Variants in AK9 observed in about 807,000 individuals in gnomAD.
AK9 encodes the protein adenylate kinase domain containing 1.
Under a neutral mutation model 239.6 loss-of-function variants are expected in AK9, and 191 were observed. The observed-to-expected ratio is 0.80, with a 90% confidence interval of 0.71 to 0.90. AK9 has a LOEUF of 0.90. Among genes scored for constraint, AK9 ranks in the 40% least tolerant of loss-of-function variants. AK9 has a pLI of 0.00. For missense variants in AK9, 1,995 were observed against 2,214.7 expected (o/e 0.90, Z 1.99); for synonymous variants, 689 against 721.0 (o/e 0.96, Z 0.71).
chr6:109,587,784 G>T (rs1032613918), intron 17 of AK9, among the ~76,000 whole-genome samples: 2 of 152,090 alleles, frequency 1.3e-5, no homozygotes, highest in Non-Finnish European at 2.9e-5. Context: ...TGATAAAAAG[G>T]CTTCTTTTCC....
At chr6:109,541,756 GT>G (rs1312154348) in intron 27 of AK9, among the ~76,000 whole-genome samples, 3 of 152,140 alleles carry the variant, frequency 2.0e-5, no homozygotes, top group African/African-American at 7.2e-5. Flanking sequence ...TTTTGTTTAG[GT>G]TTTTACAGTT....
At chr6:109,671,847 T>A in intron 5 of AK9, 72 bp downstream of exon 5, 1 of 1,388,170 alleles carries the variant, frequency 7.2e-7, no homozygotes, top group Non-Finnish European at 1.0e-6. Context: ...CTCCAGAAAC[T>A]ATTTTTGCCT....
At chr6:109,650,499 G>A (rs201772342) in intron 8 of AK9, among the ~76,000 whole-genome samples, 86,348 of 149,386 alleles carry the variant, frequency 0.58, 26,634 homozygotes, top group South Asian at 0.84. Flanking sequence ...ATCACTGGCC[G>A]TCCAAGAAAT....
chr6:109,506,648 C>T lies in AK9; in HGVS notation c.4628+6G>A, dbSNP rs776162805. The stretch of plus-strand genomic sequence containing the variant: ...CCTTTTTTGTTGTCTTCATCATGTA[C>T]ATTACCTTTGTTCATTTTCTTTTTC... On this transcript the variant is annotated splice_donor_region_variant and intron_variant, in intron 34 of 40. Coordinates refer to ENST00000424296, the MANE Select transcript of AK9 (RefSeq NM_001145128.3). 2.0e-6 allele frequency: 3 copies of T among 1,531,158 alleles called. No individual in the cohort carries two copies. The highest frequency in any genetic ancestry group is 2.8e-5 in the African/African-American group (2 of 72,248). The allele number at this position is 1,531,158 out of a possible 1,614,324, so 94.8% of individuals were successfully genotyped here.
intron 24 of AK9, among the ~76,000 whole-genome samples, chr6:109,554,695 A>G (rs1244528595): frequency 6.6e-6 from 1 of 151,506 alleles, no homozygotes; most frequent in Admixed American, 6.6e-5. Context: ...CCATGCCCAG[A>G]TAATTTTTGT....
chr6:109,516,458 G>C lies in AK9; in HGVS notation c.3818C>G (p.Ala1273Gly). 6.4e-7 allele frequency: 1 copy of C among 1,551,234 alleles called. No individual in the cohort carries two copies. The highest frequency in any genetic ancestry group is 1.4e-5 in the African/African-American group (1 of 73,138). The change falls in exon 30 of 41, where the codon GCA becomes GGA. Residue 1273 changes from alanine (A) to glycine (G), a missense_variant. By Grantham distance (60) the Ala-to-Gly change is moderately conservative. Coordinates refer to ENST00000424296, the MANE Select transcript of AK9 (RefSeq NM_001145128.3). ...TATTATTTGTAAATTATGTGTATCT[G>C]CTTCAAATTTTTCTCCTAGTTCACC... ...LRGELGEKFE[A>G]DTHNLQIIQD... is the part of the protein sequence containing the mutation.
At chr6:109,581,688 G>C (rs78867544) in intron 19 of AK9, among the ~76,000 whole-genome samples, 1 of 152,228 alleles carries the variant, frequency 6.6e-6, no homozygotes, top group Non-Finnish European at 1.5e-5. Flanking sequence ...GCAAGGTGAA[G>C]CAGGCAAGTG....
rs756447943 is a variant in AK9 at position 109,497,855 on chromosome 6, G to A, written c.5157C>T (p.Phe1719=). 6 of 1,613,174 alleles carry A rather than the reference G, an allele frequency of 3.7e-6. No homozygotes were observed. In the Admixed American group the frequency reaches 1.0e-4, roughly 27 times the overall value. ...RLTLSELKSR[F]PKCAELQGYC... is the part of the protein sequence containing the mutation. ...AGCCCTGGAGCTCCGCACACTTAGG[G>A]AATCGACTCTTCAGCTCTGACAGTG... The change falls in exon 37 of 41, where the codon TTC becomes TTT. Residue 1719 remains phenylalanine, a synonymous_variant. Transcript: ENST00000424296.
chr6:109,504,744 G>T (rs1013714835), intron 35 of AK9, among the ~76,000 whole-genome samples: 6 of 152,204 alleles, frequency 3.9e-5, no homozygotes, highest in Non-Finnish European at 7.3e-5. Context: ...GGGAAGGGGA[G>T]GTTGCAGTGA....
At chr6:109,506,234 C>T (rs776288343) in intron 35 of AK9, 93 bp downstream of exon 35, 2 of 1,156,754 alleles carry the variant, frequency 1.7e-6, no homozygotes, top group Non-Finnish European at 2.5e-6. Context: ...ACGCCTGACT[C>T]ATGTTCAAAT....
At chr6:109,639,879 T>C (rs928867048) in intron 10 of AK9, among the ~76,000 whole-genome samples, 2 of 152,226 alleles carry the variant, frequency 1.3e-5, no homozygotes, top group Non-Finnish European at 2.9e-5. Flanking sequence ...CTAGCCAGTT[T>C]TCCCAGCACC....
Position 109,591,251 on chromosome 6 carries a change from T to A in AK9, c.1843-5179A>T, listed in dbSNP as rs1350086672. ...AATGACATTTTTCTTCTGCAATTGA[T>A]CCTTTTATGATAATATAATGACCTT... On this transcript the variant is annotated intron_variant, in intron 17 of 40. Coordinates refer to ENST00000424296, the MANE Select transcript of AK9 (RefSeq NM_001145128.3). 2.6e-5 allele frequency among the ~76,000 whole-genome samples: 4 copies of A among 152,178 alleles called. No homozygotes were observed. The East Asian group carries it at 5.8e-4, about 22-fold the overall frequency.
intron 12 of AK9, among the ~76,000 whole-genome samples, chr6:109,623,716 CTCAG>C (rs1795137294): frequency 1.3e-5 from 2 of 152,040 alleles, no homozygotes; most frequent in Admixed American, 1.3e-4. Context: ...CAAATATATA[CTCAG>C]TATTTTCCTC....
chr6:109,622,363 A>C (rs1461533714), intron 12 of AK9, among the ~76,000 whole-genome samples: 1 of 143,084 alleles, frequency 7.0e-6, no homozygotes, highest in Non-Finnish European at 1.5e-5. Flanking sequence ...TAGTATATAT[A>C]GCATACTATA....
At chr6:109,646,066 G>A (rs183958417) in intron 8 of AK9, among the ~76,000 whole-genome samples, 5 of 151,986 alleles carry the variant, frequency 3.3e-5, no homozygotes, top group African/African-American at 7.2e-5. Flanking sequence ...AAAGGACATC[G>A]ACACCAAAAC....
intron 17 of AK9, among the ~76,000 whole-genome samples, chr6:109,607,725 A>T (rs1011238647): frequency 6.6e-6 from 1 of 151,662 alleles, no homozygotes; most frequent in East Asian, 1.9e-4. Flanking sequence ...AACCAAATTT[A>T]TCTAATAGAT....
chr6:109,528,536 C>G (rs1479390307), intron 29 of AK9: 1 of 456,630 alleles, frequency 2.2e-6, no homozygotes, highest in South Asian at 1.5e-5. Flanking sequence ...TTCTTATCTA[C>G]TTTTGGTTGT....
At position 109,684,796 on chromosome 6, in the gene AK9, C is replaced by T. The variant is rs9487189; in HGVS notation, c.-12+6351G>A. 6.3e-3 allele frequency among the ~76,000 whole-genome samples: 770 copies of T among 122,096 alleles called. 11 individuals carry two copies. Among genetic ancestry groups the T allele is most frequent in the African/African-American group, 0.024 (743 of 30,756 alleles). The allele number at this position is 122,096 out of a possible 152,430, so 80.1% of individuals were successfully genotyped here. ...GGCTGAGGCAGGAGAATGGCGTGAA[C>T]CCGGGAGGCAGAGCTTGCAGTGAGC... On this transcript the variant is annotated intron_variant, in intron 1 of 40. Coordinates refer to ENST00000424296, the MANE Select transcript of AK9 (RefSeq NM_001145128.3).
chr6:109,534,990 T>G (rs1452917927), intron 27 of AK9, among the ~76,000 whole-genome samples: 1 of 152,220 alleles, frequency 6.6e-6, no homozygotes, highest in Non-Finnish European at 1.5e-5. Context: ...AACATTTTCT[T>G]AATCCAGTCT....
Sources: gnomAD v4.1 joint callset for allele counts (sites outside exome capture counted in the v4.1 genomes callset) on GRCh38, gnomAD v4.1.1 for gene constraint, MANE v1.5 for transcripts, NCBI Gene and HGNC (gene_info 2026-07-23, HGNC 2026-07-21) for gene names.